SGCD: variants seen among roughly 807,000 people sequenced by gnomAD.
SGCD encodes the protein delta-sarcoglycan.
A neutral mutation model predicts 36.6 loss-of-function variants in SGCD; 18 were observed. The observed-to-expected ratio is 0.49, with a 90% CI of 0.34 to 0.73. The LOEUF (loss-of-function observed/expected upper bound fraction) is 0.73, where lower values mean the gene tolerates loss of function less well. Ranked by LOEUF, SGCD falls within the 30% of genes least tolerant of loss-of-function variation. The probability of loss-of-function intolerance (pLI) is 0.01; values close to 1 mark genes in which losing one functional copy is unlikely to be tolerated. For synonymous variants in SGCD, 133 were observed against 130.6 expected, an observed-to-expected ratio of 1.02 and a Z score of -0.12; for missense variants, 387 against 346.7, an observed-to-expected ratio of 1.12 and a Z score of -0.92.
intron 1 of SGCD, among the ~76,000 whole-genome samples, chr5:155,979,388 T>C (rs1758181815): frequency 6.6e-6 from 1 of 152,238 alleles, no homozygotes; most frequent in African/African-American, 2.4e-5. Context: ...GGGGATAATC[T>C]GTACAACTGT....
At chr5:156,250,785 G>A (rs1433506004) in intron 3 of SGCD, among the ~76,000 whole-genome samples, 2 of 152,102 alleles carry the variant, frequency 1.3e-5, no homozygotes, top group East Asian at 1.9e-4. Flanking sequence ...AAAGTCCTTC[G>A]TTTGGAGTCA....
At chr5:156,734,543 C>T (rs570765312) in intron 7 of SGCD, among the ~76,000 whole-genome samples, 1 of 152,152 alleles carries the variant, frequency 6.6e-6, no homozygotes, top group Non-Finnish European at 1.5e-5. Flanking sequence ...GGTCTCTTTA[C>T]ATTATCCCAT....
chr5:155,952,933 C>A (rs892472102), intron 1 of SGCD, among the ~76,000 whole-genome samples: 1 of 152,184 alleles, frequency 6.6e-6, no homozygotes. Context: ...AGCTTTTGAA[C>A]TGCATCATGT....
At chr5:156,646,707 AT>A (rs1257211792) in intron 6 of SGCD, among the ~76,000 whole-genome samples, 2 of 152,208 alleles carry the variant, frequency 1.3e-5, no homozygotes, top group African/African-American at 4.8e-5. Flanking sequence ...TGAAAAACTA[AT>A]ATCTTGTGCA....
chr5:156,538,957 G>T (rs144085722), intron 4 of SGCD, among the ~76,000 whole-genome samples: 333 of 152,220 alleles, frequency 2.2e-3, no homozygotes, highest in African/African-American at 7.6e-3. Context: ...ATACTGAAGG[G>T]ATGTGTGCAT....
chr5:156,117,028 G>A (rs1215231906), intron 1 of SGCD, among the ~76,000 whole-genome samples: 2 of 151,946 alleles, frequency 1.3e-5, no homozygotes, highest in Non-Finnish European at 2.9e-5. Flanking sequence ...CCACCATAGA[G>A]TTAACAAGGA....
intron 1 of SGCD, among the ~76,000 whole-genome samples, chr5:155,888,804 C>G (rs1468281245): frequency 6.6e-6 from 1 of 151,978 alleles, no homozygotes; most frequent in Admixed American, 6.6e-5. Flanking sequence ...TCTTTTTTCC[C>G]GAATTTCTTC....
At chr5:156,323,518 G>A (rs1767726703), upstream of SGCD, among the ~76,000 whole-genome samples, 1 of 151,804 alleles carries the variant, frequency 6.6e-6, no homozygotes, top group Non-Finnish European at 1.5e-5. Flanking sequence ...TAAAAATGAG[G>A]GTCTACTATA....
chr5:156,331,389 T>C (rs1580830336), intron 2 of SGCD, among the ~76,000 whole-genome samples: 1 of 152,224 alleles, frequency 6.6e-6, no homozygotes, highest in African/African-American at 2.4e-5. Flanking sequence ...TCACTTAGTA[T>C]ATAAATCCTG....
intron 7 of SGCD, among the ~76,000 whole-genome samples, chr5:156,650,224 C>G (rs1054560333): frequency 6.6e-6 from 1 of 152,154 alleles, no homozygotes; most frequent in African/African-American, 2.4e-5. Flanking sequence ...AGTAAATCTC[C>G]TAAGTCCAGT....
chr5:155,798,005 G>A, the SGCD span, among the ~76,000 whole-genome samples: 1 of 152,132 alleles, frequency 6.6e-6, no homozygotes, highest in Admixed American at 6.5e-5. Context: ...TTGTTCAGTT[G>A]TTCCTCACCC....
chr5:156,382,240 C>T (rs533058564), intron 3 of SGCD, among the ~76,000 whole-genome samples: 1 of 152,210 alleles, frequency 6.6e-6, no homozygotes, highest in Non-Finnish European at 1.5e-5. Context: ...GGTCACCTGG[C>T]ACATCATCAT....
At chr5:156,154,220 C>T (rs1468693980) in intron 3 of SGCD, among the ~76,000 whole-genome samples, 1 of 151,640 alleles carries the variant, frequency 6.6e-6, no homozygotes, top group Non-Finnish European at 1.5e-5. Context: ...TCCACCTCCA[C>T]TTTCTTTCCT....
chr5:156,597,586 C>T (rs79185059), intron 6 of SGCD, among the ~76,000 whole-genome samples: 1,595 of 152,272 alleles, frequency 0.01, 21 homozygotes, highest in African/African-American at 0.036. Flanking sequence ...ATGGTTGCTA[C>T]AATTCAAGAT....
chr5:156,124,931 A>G (rs1762135437), intron 3 of SGCD, among the ~76,000 whole-genome samples: 1 of 152,162 alleles, frequency 6.6e-6, no homozygotes, highest in African/African-American at 2.4e-5. Flanking sequence ...GGAGACAAGT[A>G]AAAAGATTTT....
intron 3 of SGCD, among the ~76,000 whole-genome samples, chr5:156,145,101 G>A (rs751794928): frequency 6.6e-6 from 1 of 152,156 alleles, no homozygotes; most frequent in Non-Finnish European, 1.5e-5. Context: ...GTTGGAGGTG[G>A]GGCCTGATGG....
chr5:156,655,343 G>C (rs1347950034), intron 7 of SGCD, among the ~76,000 whole-genome samples: 1 of 145,692 alleles, frequency 6.9e-6, no homozygotes, highest in Non-Finnish European at 1.5e-5. Context: ...TTGTTTGCTT[G>C]TTTGTTAACG....
chr5:156,187,464 T>TA (rs1763789059), intron 3 of SGCD, among the ~76,000 whole-genome samples: 1 of 142,250 alleles, frequency 7.0e-6, no homozygotes. Context: ...TGAATAGACA[T>TA]ATAGTCTCTA....
chr5:156,499,300 G>A (rs778705723), intron 3 of SGCD, among the ~76,000 whole-genome samples: 2 of 152,102 alleles, frequency 1.3e-5, no homozygotes, highest in Non-Finnish European at 2.9e-5. Flanking sequence ...ACATGGATGA[G>A]CACTTTCTGA....
Sources: allele counts gnomAD v4.1 joint callset (sites outside exome capture counted in the v4.1 genomes callset), GRCh38; gene constraint gnomAD v4.1.1; transcripts MANE v1.5; gene names NCBI Gene and HGNC (gene_info 2026-07-23, HGNC 2026-07-21).